RBFOX1: variants seen among roughly 807,000 people sequenced by gnomAD.
The protein encoded by RBFOX1 is RNA binding fox-1 homolog 1.
A neutral mutation model predicts 57.7 loss-of-function variants in RBFOX1; 8 were observed. The observed-to-expected ratio is 0.14, with a 90% CI of 0.08 to 0.25. The LOEUF is 0.25. Ranked by LOEUF, RBFOX1 falls within the 10% of genes least tolerant of loss-of-function variation. The pLI, the probability that RBFOX1 is intolerant of heterozygous loss-of-function variation, is 1.00. For synonymous variants in RBFOX1, 326 were observed against 222.4 expected (o/e 1.47, Z -4.15); for missense variants, 611 against 548.5 (o/e 1.11, Z -1.14).
intron 3 of RBFOX1, among the ~76,000 whole-genome samples, chr16:5,734,405 G>T (rs1017799595): frequency 2.0e-5 from 3 of 152,140 alleles, no homozygotes; most frequent in East Asian, 1.9e-4. Flanking sequence ...TCCAGCCTGG[G>T]CAAGAGAACA....
intron 3 of RBFOX1, among the ~76,000 whole-genome samples, chr16:6,762,416 C>G (rs748258821): frequency 6.6e-6 from 1 of 152,010 alleles, no homozygotes; most frequent in Non-Finnish European, 1.5e-5. Context: ...CTTAATTGAA[C>G]ATACCACCAC....
intron 1 of RBFOX1, among the ~76,000 whole-genome samples, chr16:5,451,173 C>G (rs2068415679): frequency 6.6e-6 from 1 of 152,172 alleles, no homozygotes; most frequent in African/African-American, 2.4e-5. Flanking sequence ...AGAACCAGAG[C>G]TCTTCTTCCT....
chr16:5,920,948 C>T (rs1197414266), intron 4 of RBFOX1, among the ~76,000 whole-genome samples: 2 of 95,484 alleles, frequency 2.1e-5, no homozygotes, highest in Non-Finnish European at 4.8e-5. Context: ...CCGTGCAAGG[C>T]TACCTGAAGA....
Position 7,224,094 on chromosome 16 carries a change from A to G in RBFOX1, c.27+171996A>G, listed in dbSNP as rs569719620. ...GGCTCGTTGTTCTGGGTCTTTCAGGATCTAGATTTTCTATCCTGATTCTTC... is the reference window on the plus strand; with the variant it reads ...GGCTCGTTGTTCTGGGTCTTTCAGGGTCTAGATTTTCTATCCTGATTCTTC... On this transcript the variant is annotated intron_variant, in intron 4 of 15. Coordinates refer to ENST00000550418, the MANE Select transcript of RBFOX1 (RefSeq NM_018723.4). 1.7e-4 allele frequency among the ~76,000 whole-genome samples: 23 copies of G among 133,288 alleles called. No homozygotes were observed. In the South Asian group the frequency reaches 5.9e-3, roughly 34 times the overall value. The allele number at this position is 133,288 out of a possible 152,430, so 87.4% of individuals were successfully genotyped here. A position where few individuals can be genotyped will look rare whatever the true frequency, so the allele number is the denominator to read the frequency against.
At chr16:6,100,030 GT>G (rs2096285050) in intron 1 of RBFOX1, among the ~76,000 whole-genome samples, 2 of 152,216 alleles carry the variant, frequency 1.3e-5, no homozygotes, top group Non-Finnish European at 2.9e-5. Context: ...ACTTAGGAAT[GT>G]TGAGCACATA....
intron 4 of RBFOX1, among the ~76,000 whole-genome samples, chr16:5,901,914 A>G (rs1322856423): frequency 1.3e-5 from 2 of 152,176 alleles, no homozygotes; most frequent in Non-Finnish European, 2.9e-5. Context: ...TCCTTTTGGA[A>G]GCCTTCTTTG....
intron 2 of RBFOX1, among the ~76,000 whole-genome samples, chr16:6,501,700 C>T (rs2095935473): frequency 6.6e-6 from 1 of 152,158 alleles, no homozygotes; most frequent in Non-Finnish European, 1.5e-5. Flanking sequence ...CATTCTAAAA[C>T]ATTCACCCAG....
rs190667767 is a variant in RBFOX1, at chr16:5,993,824, A to G, written c.351+126489A>G. Among the ~76,000 whole-genome samples, 179 of 152,274 alleles carry G rather than the reference A, an allele frequency of 1.2e-3. 1 individual carries two copies. Among genetic ancestry groups the G allele is most frequent in the African/African-American group, 4.1e-3 (170 of 41,554 alleles). On this transcript the variant is annotated intron_variant, in intron 4 of 19. Transcript: ENST00000641259. ...TATGGCCGAATGGTTCGTTTAAGTT[A>G]AATACTGTGCTTGTAATTAATATAG...
intron 4 of RBFOX1, among the ~76,000 whole-genome samples, chr16:5,984,782 C>T (rs1358049548): frequency 6.6e-6 from 1 of 151,706 alleles, no homozygotes; most frequent in African/African-American, 2.4e-5. Context: ...TATGTTCTGG[C>T]CTTTTGCTCC....
chr16:5,329,045 A>C (rs1424421364), intron 1 of RBFOX1, among the ~76,000 whole-genome samples: 1 of 152,230 alleles, frequency 6.6e-6, no homozygotes, highest in Non-Finnish European at 1.5e-5. Context: ...GCCAGGCACC[A>C]TGCTGAAAGT....
chr16:5,311,689 A>G (rs915484642), intron 1 of RBFOX1, among the ~76,000 whole-genome samples: 1 of 152,182 alleles, frequency 6.6e-6, no homozygotes, highest in Non-Finnish European at 1.5e-5. Flanking sequence ...GGTCATTTGT[A>G]TATCTTCTTT....
chr16:6,153,365 G>A (rs2096813890), intron 1 of RBFOX1, among the ~76,000 whole-genome samples: 1 of 152,122 alleles, frequency 6.6e-6, no homozygotes, highest in Non-Finnish European at 1.5e-5. Flanking sequence ...ATAAAATATT[G>A]TTCCTTGCTA....
chr16:7,107,616 A>G (rs1474144822), intron 4 of RBFOX1, among the ~76,000 whole-genome samples: 1 of 152,108 alleles, frequency 6.6e-6, no homozygotes, highest in Admixed American at 6.6e-5. Flanking sequence ...CGTCGCTGAC[A>G]TCCTTCTTTC....
chr16:5,949,101 C>A (rs73516248), intron 4 of RBFOX1, among the ~76,000 whole-genome samples: 1 of 152,090 alleles, frequency 6.6e-6, no homozygotes, highest in Admixed American at 6.5e-5. Context: ...TCCTCCCCAA[C>A]TACTAGAGTC....
At chr16:6,304,422 C>T (rs1177240634) in intron 1 of RBFOX1, among the ~76,000 whole-genome samples, 1 of 152,130 alleles carries the variant, frequency 6.6e-6, no homozygotes, top group East Asian at 1.9e-4. Context: ...TCCTCCGTCT[C>T]ACCTCCATGG....
chr16:6,483,881 T>A, intron 2 of RBFOX1: 7 of 1,164,082 alleles, frequency 6.0e-6, no homozygotes, highest in East Asian at 4.7e-5. Context: ...GATGGAAGGA[T>A]GAGGCTGCGT....
chr16:5,446,913 G>C (rs983945961), intron 1 of RBFOX1, among the ~76,000 whole-genome samples: 3 of 152,038 alleles, frequency 2.0e-5, no homozygotes, highest in African/African-American at 7.2e-5. Context: ...TCTCCCTGAG[G>C]CTCCGTTTCC....
At chr16:5,993,885 C>A (rs1032112447) in intron 4 of RBFOX1, among the ~76,000 whole-genome samples, 1 of 152,044 alleles carries the variant, frequency 6.6e-6, no homozygotes, top group Non-Finnish European at 1.5e-5. Context: ...TATATTAATT[C>A]TTATTTAGTG....
intron 2 of RBFOX1, among the ~76,000 whole-genome samples, chr16:6,339,519 G>A (rs1326783085): frequency 6.6e-6 from 1 of 152,186 alleles, no homozygotes; most frequent in African/African-American, 2.4e-5. Flanking sequence ...TCATCGTAAA[G>A]TCATGGACAG....
Sources: gnomAD v4.1 joint callset for allele counts (sites outside exome capture counted in the v4.1 genomes callset) on GRCh38, gnomAD v4.1.1 for gene constraint, MANE v1.5 for transcripts, NCBI Gene and HGNC (gene_info 2026-07-23, HGNC 2026-07-21) for gene names.